Variants in TIMP3 observed in about 807,000 individuals in gnomAD.
The protein encoded by TIMP3 is metalloproteinase inhibitor 3.
TIMP3 carries 11 observed loss-of-function variants against 30.0 expected under a neutral mutation model. The ratio of observed to expected loss-of-function variants is 0.37; its 90% CI spans 0.23 to 0.61. TIMP3 has a LOEUF of 0.61. TIMP3 is among the 20% of genes least tolerant of loss of function. TIMP3 has a pLI of 0.70. For synonymous variants in TIMP3, 112 were observed against 111.3 expected, an observed-to-expected ratio of 1.01 and a Z score of -0.04; for missense variants, 181 against 276.8, an observed-to-expected ratio of 0.65 and a Z score of 2.45.
chr22:32,817,061 T>TAA (rs1569247404), intron 1 of TIMP3, among the ~76,000 whole-genome samples: 3 of 28,166 alleles, frequency 1.1e-4, no homozygotes, highest in Admixed American at 4.2e-4. Context: ...CTCTACTAAT[T>TAA]TAAAAAAAAA....
intron 1 of TIMP3, among the ~76,000 whole-genome samples, chr22:32,843,071 G>A (rs1203971342): frequency 2.0e-5 from 3 of 152,074 alleles, no homozygotes; most frequent in Middle Eastern, 3.2e-3. Context: ...GCTGTCCTGG[G>A]GGACCTCCCA....
chr22:32,804,061 T>C (rs1369536954), intron 1 of TIMP3, among the ~76,000 whole-genome samples: 1 of 152,176 alleles, frequency 6.6e-6, no homozygotes, highest in Non-Finnish European at 1.5e-5. Flanking sequence ...AAACAAGAAA[T>C]AGCTCCCTCG....
At chr22:32,833,357 T>C (rs1371677486) in intron 1 of TIMP3, among the ~76,000 whole-genome samples, 1 of 152,248 alleles carries the variant, frequency 6.6e-6, no homozygotes, top group Admixed American at 6.5e-5. Flanking sequence ...ATCTTGTTTT[T>C]TTGTAAGCCC....
intron 1 of TIMP3, among the ~76,000 whole-genome samples, chr22:32,821,831 C>G (rs1208500688): frequency 1.3e-5 from 2 of 152,222 alleles, no homozygotes; most frequent in Non-Finnish European, 2.9e-5. Flanking sequence ...CCGTCACTCA[C>G]TGCCTTCCAC....
Position 32,821,002 on chromosome 22 carries a change from GC to G in TIMP3, c.121+18881del, listed in dbSNP as rs1330271185. Among the ~76,000 whole-genome samples the G allele has an allele frequency of 2.6e-5, 4 of 152,256 alleles. No individual in the cohort carries two copies. In the East Asian group the frequency reaches 7.7e-4, roughly 29 times the overall value. On this transcript the variant is annotated intron_variant, in intron 1 of 4. Transcript: ENST00000266085. ...ATGACCAATCCGAGAAACCCAGGTG[GC>G]TTCATGCTCTTTCAATATGATCTCA...
intron 1 of TIMP3, among the ~76,000 whole-genome samples, chr22:32,802,671 T>C (rs2046622030): frequency 6.6e-6 from 1 of 152,166 alleles, no homozygotes; most frequent in Non-Finnish European, 1.5e-5. Context: ...ACCGAGCTTC[T>C]GGGACTGCCA....
At position 32,840,173 on chromosome 22, in the gene TIMP3, C is replaced by T. The variant is rs115936876; in HGVS notation, c.122-9279C>T. On this transcript the variant is annotated intron_variant, in intron 1 of 4. Coordinates refer to ENST00000266085, the MANE Select transcript of TIMP3 (RefSeq NM_000362.5). Reference sequence around the variant, plus strand: ...TGGGTTGAAATGATTTGCAGCTTTCCAGATTTTCTGAGTGTGTGTCTTTGG... The same window carrying T: ...TGGGTTGAAATGATTTGCAGCTTTCTAGATTTTCTGAGTGTGTGTCTTTGG... 9.9e-3 allele frequency among the ~76,000 whole-genome samples: 1,503 copies of T among 152,242 alleles called. 27 individuals are homozygous for T. The highest frequency in any genetic ancestry group is 0.034 in the African/African-American group (1,407 of 41,548).
intron 1 of TIMP3, among the ~76,000 whole-genome samples, chr22:32,831,265 G>A (rs74530962): frequency 6.5e-4 from 99 of 152,312 alleles, no homozygotes; most frequent in African/African-American, 2.2e-3. Context: ...AGCCATCCAA[G>A]GTGCTCTGCC....
chr22:32,807,399 A>ATATT (rs130273), intron 1 of TIMP3, among the ~76,000 whole-genome samples: 22,700 of 118,096 alleles, frequency 0.19, 2,459 homozygotes, highest in East Asian at 0.36. Context: ...TATATAATAT[A>ATATT]TATATATTAT....
chr22:32,810,003 TC>T (rs1419177657), intron 1 of TIMP3, among the ~76,000 whole-genome samples: 2 of 152,198 alleles, frequency 1.3e-5, no homozygotes, highest in East Asian at 3.9e-4. Context: ...AACTGATGTG[TC>T]CTAGTTGAGG....
intron 1 of TIMP3, among the ~76,000 whole-genome samples, chr22:32,814,221 A>G (rs1225676210): frequency 1.4e-5 from 2 of 142,488 alleles, no homozygotes; most frequent in Non-Finnish European, 3.0e-5. Flanking sequence ...AAAGAAAGGA[A>G]AGAAAGAAAA....
At chr22:32,831,547 T>C (rs1286132279) in intron 1 of TIMP3, among the ~76,000 whole-genome samples, 3 of 152,186 alleles carry the variant, frequency 2.0e-5, no homozygotes, top group Non-Finnish European at 2.9e-5. Context: ...ATGGAGATGC[T>C]ATCCTGGAAG....
rs944359765 is a variant in TIMP3, at chr22:32,837,377, G to A, written c.122-12075G>A. On this transcript the variant is annotated intron_variant, in intron 1 of 4. Transcript: ENST00000266085. This position sits in a 1 kb window ranked among gnomAD's most constrained non-coding sequence, Gnocchi z 4.1. ...GCACTTGCATGGCAGTAAGCAAGTC[G>A]GCGCCTCTGACCCCTGAGTGGGCTT... Among the ~76,000 whole-genome samples, 7 of 147,096 alleles carry A rather than the reference G, an allele frequency of 4.8e-5. No individual in the cohort carries two copies. The highest frequency in any genetic ancestry group is 1.9e-4 in the East Asian group (1 of 5,164).
At chr22:32,843,682 G>A (rs929102788) in intron 1 of TIMP3, among the ~76,000 whole-genome samples, 1 of 152,108 alleles carries the variant, frequency 6.6e-6, no homozygotes, top group Non-Finnish European at 1.5e-5. Context: ...TTTCCTCCAA[G>A]TCTAGGCCGA....
chr22:32,852,655 C>T (rs1370613535), intron 2 of TIMP3, among the ~76,000 whole-genome samples: 2 of 152,150 alleles, frequency 1.3e-5, no homozygotes, highest in Admixed American at 1.3e-4. Flanking sequence ...TGATGGAAGG[C>T]AGGCAGACCT....
intron 1 of TIMP3, among the ~76,000 whole-genome samples, chr22:32,803,745 C>G (rs1024975837): frequency 3.9e-5 from 6 of 152,200 alleles, no homozygotes; most frequent in African/African-American, 1.4e-4. Context: ...CAGGATCACA[C>G]ACGTGCGGCC....
chr22:32,834,774 A>G (rs1165871505), intron 1 of TIMP3, among the ~76,000 whole-genome samples: 2 of 152,142 alleles, frequency 1.3e-5, no homozygotes, highest in Non-Finnish European at 2.9e-5. Context: ...TATGATTCCT[A>G]TCTGGTACAG....
intron 1 of TIMP3, among the ~76,000 whole-genome samples, chr22:32,828,547 G>T (rs942005375): frequency 6.6e-6 from 1 of 152,204 alleles, no homozygotes; most frequent in African/African-American, 2.4e-5. Context: ...CACAGGCAGG[G>T]CATACCCATG....
intron 1 of TIMP3, among the ~76,000 whole-genome samples, chr22:32,845,560 T>G (rs771037028): frequency 1.3e-5 from 2 of 152,128 alleles, no homozygotes; most frequent in African/African-American, 2.4e-5. Context: ...AGGACTTCTA[T>G]TTCTTGTTGT....
Sources: gnomAD v4.1 joint callset for allele counts (sites outside exome capture counted in the v4.1 genomes callset) on GRCh38, gnomAD v4.1.1 for gene constraint, Gnocchi (gnomAD v3.1) non-coding constraint, MANE v1.5 for transcripts, NCBI Gene and HGNC (gene_info 2026-07-23, HGNC 2026-07-21) for gene names.